Variants in LAMC2 observed in about 807,000 individuals in gnomAD.
LAMC2 encodes the protein laminin subunit gamma-2.
In LAMC2, 97 loss-of-function variants were observed where a neutral mutation model predicts 140.2. That is an observed-to-expected ratio of 0.69 (90% CI 0.59 to 0.82). The LOEUF is 0.82. Among genes scored for constraint, LAMC2 ranks in the 40% least tolerant of loss-of-function variants. The pLI is 0.00. For missense variants in LAMC2, 1,402 were observed against 1,476.1 expected, an observed-to-expected ratio of 0.95 and a Z score of 0.82; for synonymous variants, 513 against 540.2, an observed-to-expected ratio of 0.95 and a Z score of 0.70.
intron 2 of LAMC2, among the ~76,000 whole-genome samples, chr1:183,208,319 T>G (rs635796): frequency 6.6e-6 from 1 of 151,982 alleles, no homozygotes; most frequent in Non-Finnish European, 1.5e-5. Flanking sequence ...GTGGAACCAG[T>G]TGGGACCTTG....
intron 5 of LAMC2, 74 bp downstream of exon 5, chr1:183,221,035 C>T (rs1202582477): frequency 5.9e-6 from 8 of 1,345,132 alleles, no homozygotes; most frequent in Non-Finnish European, 8.5e-6. Context: ...CAACCACCTC[C>T]GCATTCACAG....
At position 183,186,333 on chromosome 1, in the gene LAMC2, C is replaced by T; in HGVS notation, c.-20C>T. 6.3e-7 allele frequency: 1 copy of T among 1,583,010 alleles called. No homozygotes were observed. ...GCGACCCCTGCAGCGGAGACAGAGA[C>T]TGAGCGGCCCGGCCCCGCCATGCCT... is the stretch of plus-strand genomic sequence containing the variant. On this transcript the variant is annotated 5_prime_UTR_variant, in exon 1 of 23. Coordinates refer to ENST00000264144, the MANE Select transcript of LAMC2 (RefSeq NM_005562.3).
chr1:183,255,804 C>T, the LAMC2 span, among the ~76,000 whole-genome samples: 1 of 151,812 alleles, frequency 6.6e-6, no homozygotes, highest in Admixed American at 6.6e-5. Flanking sequence ...GCTCGGATTA[C>T]AGGCACAAGC....
chr1:183,207,821 A>G, intron 1 of LAMC2, 60 bp from the exon 2 acceptor site: 1 of 1,342,070 alleles, frequency 7.5e-7, no homozygotes, highest in Non-Finnish European at 1.1e-6. Context: ...ACCTGCTAGA[A>G]CAGTTCCTGA....
intron 22 of LAMC2, chr1:183,240,607 A>C: frequency 7.0e-7 from 1 of 1,427,288 alleles, no homozygotes; most frequent in Non-Finnish European, 9.1e-7. Context: ...CTGAACACCT[A>C]TTGCACTTGG....
Position 183,197,098 on chromosome 1 carries a change from T to C in LAMC2, c.79+10667T>C, listed in dbSNP as rs532381857. Among the ~76,000 whole-genome samples the C allele has an allele frequency of 1.6e-3, 237 of 152,314 alleles. 6 individuals are homozygous for C. In the South Asian group the frequency reaches 0.048, roughly 31 times the overall value. On this transcript the variant is annotated intron_variant, in intron 1 of 22. Coordinates refer to ENST00000264144, the MANE Select transcript of LAMC2 (RefSeq NM_005562.3). ...TATTTTGGAAAGATTTTCTGATTGC[T>C]GAGTGGAGGGAAGCAAAAGAAGTTG...
chr1:183,225,488 C>T, intron 7 of LAMC2, 120 bp from the exon 8 acceptor site: 4 of 761,266 alleles, frequency 5.3e-6, no homozygotes, highest in Non-Finnish European at 9.5e-6. Context: ...AGTCCTATGC[C>T]CCCTTCTAAG....
At chr1:183,255,297 C>T in the LAMC2 span, among the ~76,000 whole-genome samples, 2 of 152,258 alleles carry the variant, frequency 1.3e-5, no homozygotes, top group South Asian at 4.1e-4. Context: ...ATGCCAGTAC[C>T]ATACTGTTTT....
the LAMC2 span, among the ~76,000 whole-genome samples, chr1:183,253,987 T>C: frequency 5.3e-5 from 8 of 151,930 alleles, no homozygotes; most frequent in African/African-American, 1.9e-4. Context: ...TATTCATCCA[T>C]TGATGGACGT....
At chr1:183,213,362 A>G (rs1441106346) in intron 2 of LAMC2, among the ~76,000 whole-genome samples, 1 of 152,248 alleles carries the variant, frequency 6.6e-6, no homozygotes, top group Non-Finnish European at 1.5e-5. Flanking sequence ...GTCTTCATAC[A>G]GGCACAGAAC....
intron 11 of LAMC2, among the ~76,000 whole-genome samples, chr1:183,230,599 G>A (rs1310943903): frequency 1.3e-5 from 2 of 152,170 alleles, no homozygotes; most frequent in Non-Finnish European, 2.9e-5. Flanking sequence ...CAACTTCCCT[G>A]AGCTCACATT....
chr1:183,224,218 G>A (rs1242360995), intron 7 of LAMC2, among the ~76,000 whole-genome samples: 1 of 152,104 alleles, frequency 6.6e-6, no homozygotes, highest in East Asian at 1.9e-4. Flanking sequence ...TCAGAGAAGG[G>A]CAACCTTCAC....
rs757609631 is a variant in LAMC2 at position 183,239,505 on chromosome 1, C to T, written c.3011C>T (p.Ala1004Val). 5 of 1,613,510 alleles carry T rather than the reference C, an allele frequency of 3.1e-6. No individual in the cohort carries two copies. Among genetic ancestry groups the T allele is most frequent in the Non-Finnish European group, 4.2e-6 (5 of 1,179,860 alleles). Residue 1004 changes from alanine to valine, a missense_variant, in exon 20 of 23, where the codon GCA (alanine) becomes GTA (valine). Transcript: ENST00000264144. The part of the protein sequence containing the change: ...ERALGSAAAD[A>V]QRAKNGAGEA... The stretch of plus-strand genomic sequence containing the variant: ...GCCCTGGGGAGCGCTGCTGCTGATG[C>T]ACAGAGGGCAAAGAATGGGGCCGGG...
intron 8 of LAMC2, 48 bp downstream of exon 8, chr1:183,225,768 A>C: frequency 7.7e-7 from 1 of 1,294,450 alleles, no homozygotes. Context: ...GTGTTAGTTT[A>C]ATTTGATTCA....
Position 183,207,880 on chromosome 1 carries a change from G to A in LAMC2, c.80-1G>A, listed in dbSNP as rs1658943673. ...ATCTCTTTTGTATGCTTCCTCCCCAGTCTGTGATTGCAATGGGAAGTCCAG... is the reference window on the plus strand; with the variant it reads ...ATCTCTTTTGTATGCTTCCTCCCCAATCTGTGATTGCAATGGGAAGTCCAG... On this transcript the variant is annotated splice_acceptor_variant, in intron 1 of 22. Transcript: ENST00000264144. LOFTEE classifies it high-confidence loss of function. 1.3e-6 allele frequency: 2 copies of A among 1,579,090 alleles called. No homozygotes were observed. The highest frequency in any genetic ancestry group is 3.4e-5 in the Admixed American group (2 of 58,212).
chr1:183,241,214 C>G (rs1198410601), intron 22 of LAMC2: 1 of 815,570 alleles, frequency 1.2e-6, no homozygotes, highest in Non-Finnish European at 1.5e-6. Flanking sequence ...CACCACTGCT[C>G]TCCAGCCTGG....
intron 6 of LAMC2, 43 bp from the exon 7 acceptor site, chr1:183,223,092 A>G: frequency 6.3e-7 from 1 of 1,590,460 alleles, no homozygotes; most frequent in African/African-American, 1.3e-5. Context: ...TTGCCTCTCC[A>G]GTTTCACAAC....
chr1:183,237,449 G>A lies in LAMC2; in HGVS notation c.2699G>A (p.Gly900Glu). The A allele has an allele frequency of 7.4e-6, 12 of 1,614,160 alleles. No individual in the cohort carries two copies. The highest frequency in any genetic ancestry group is 1.0e-5 in the Non-Finnish European group (12 of 1,180,004). ...TTCAAGCGTACACAGAAGAATCTGG[G>A]AAACTGGAAAGAAGAAGCACAGCAG... ...DEFKRTQKNL[G>E]NWKEEAQQLL... Residue 900 changes from glycine (G) to glutamate (E), a missense_variant, in exon 18 of 23, where the codon GGA becomes GAA. Around this residue, in one of 3 missense-constraint regions of LAMC2, gnomAD observed 670 missense variants for 667.2 expected, o/e 1.00. Transcript: ENST00000264144.
intron 9 of LAMC2, among the ~76,000 whole-genome samples, chr1:183,227,281 T>C (rs1177849263): frequency 2.0e-5 from 3 of 152,004 alleles, no homozygotes; most frequent in Non-Finnish European, 4.4e-5. Context: ...TGTTAAGTTA[T>C]GGATAGTAAA....
Sources: allele counts gnomAD v4.1 joint callset (sites outside exome capture counted in the v4.1 genomes callset), GRCh38; gene constraint gnomAD v4.1.1; regional missense constraint gnomAD v4.1.1; transcripts MANE v1.5; gene names NCBI Gene and HGNC (gene_info 2026-07-23, HGNC 2026-07-21).